Variants in PSMA1 observed in about 807,000 individuals in gnomAD.
PSMA1 encodes the protein proteasome 20S subunit alpha 1, also known as proteasome subunit alpha type-1.
Under a neutral mutation model 38.4 loss-of-function variants are expected in PSMA1, and 3 were observed. That is an observed-to-expected ratio of 0.08 (90% CI 0.04 to 0.20). PSMA1 has a LOEUF of 0.20. Among genes scored for constraint, PSMA1 ranks in the 10% least tolerant of loss-of-function variants. PSMA1 has a pLI of 1.00. For synonymous variants in PSMA1, 101 were observed against 107.1 expected (o/e 0.94, Z 0.35); for missense variants, 227 against 325.3 (o/e 0.70, Z 2.32).
At position 14,549,273 on chromosome 11, in the gene PSMA1, T is replaced by A. The variant is rs191790966; in HGVS notation, c.22-30232A>T. ...TTGCTCAATATTTGTTATTGTTTCA[T>A]CTGCAGTGAAATGGGAACTGTACAC... On this transcript the variant is annotated intron_variant, in intron 2 of 10. Coordinates refer to the PSMA1 transcript ENST00000418988. Among the ~76,000 whole-genome samples the A allele has an allele frequency of 2.6e-5, 4 of 152,226 alleles. No individual in the cohort carries two copies. In the East Asian group the frequency reaches 7.7e-4, roughly 29 times the overall value.
chr11:14,569,626 G>C (rs1354589621), intron 2 of PSMA1, among the ~76,000 whole-genome samples: 1 of 152,218 alleles, frequency 6.6e-6, no homozygotes, highest in Non-Finnish European at 1.5e-5. Context: ...ACAGCAGTCT[G>C]AGATCAAACG....
At chr11:14,568,209 C>G (rs1852096490) in intron 2 of PSMA1, among the ~76,000 whole-genome samples, 1 of 152,092 alleles carries the variant, frequency 6.6e-6, no homozygotes. Flanking sequence ...AGTGAAGTGC[C>G]CAACTCCAAA....
At chr11:14,536,859 C>G (rs1851715475) in intron 2 of PSMA1, among the ~76,000 whole-genome samples, 1 of 152,222 alleles carries the variant, frequency 6.6e-6, no homozygotes, top group Admixed American at 6.5e-5. Context: ...TCGTGATCCG[C>G]CCGCCTCGGC....
At chr11:14,528,497 C>T (rs1281143201) in intron 2 of PSMA1, among the ~76,000 whole-genome samples, 3 of 152,128 alleles carry the variant, frequency 2.0e-5, no homozygotes, top group African/African-American at 7.2e-5. Context: ...CCCACGCTGC[C>T]CCAATCCCGC....
intron 1 of PSMA1, among the ~76,000 whole-genome samples, chr11:14,639,700 T>C (rs532097341): frequency 9.8e-5 from 15 of 152,354 alleles, no homozygotes; most frequent in African/African-American, 3.4e-4. Flanking sequence ...AGCCATAGGA[T>C]ACTTGAGTTA....
chr11:14,608,800 C>T (rs1253194437), intron 2 of PSMA1, among the ~76,000 whole-genome samples: 1 of 150,272 alleles, frequency 6.7e-6, no homozygotes, highest in East Asian at 1.9e-4. Flanking sequence ...GACTTCTTCC[C>T]ATTATCAAAT....
intron 2 of PSMA1, among the ~76,000 whole-genome samples, chr11:14,551,511 G>C (rs2134168843): frequency 6.6e-6 from 1 of 152,306 alleles, no homozygotes; most frequent in African/African-American, 2.4e-5. Flanking sequence ...TCCAAGTGCT[G>C]TCAGGGGGAA....
intron 2 of PSMA1, among the ~76,000 whole-genome samples, chr11:14,543,110 C>T (rs1851790493): frequency 6.6e-6 from 1 of 152,174 alleles, no homozygotes. Context: ...GGATTACAAG[C>T]GTGAGCCACT....
intron 2 of PSMA1, among the ~76,000 whole-genome samples, chr11:14,576,566 G>A (rs1430384424): frequency 2.6e-5 from 4 of 152,070 alleles, no homozygotes; most frequent in Non-Finnish European, 5.9e-5. Flanking sequence ...TTTTTGTCAG[G>A]TTTGTCAAAG....
intron 2 of PSMA1, among the ~76,000 whole-genome samples, chr11:14,560,318 A>G (rs938147266): frequency 6.6e-6 from 1 of 152,172 alleles, no homozygotes; most frequent in African/African-American, 2.4e-5. Flanking sequence ...GCAGAAAGTT[A>G]GTGGGGTAAA....
intron 2 of PSMA1, among the ~76,000 whole-genome samples, chr11:14,577,303 T>C (rs1388097734): frequency 6.6e-6 from 1 of 152,174 alleles, no homozygotes; most frequent in Non-Finnish European, 1.5e-5. Flanking sequence ...GAGAAAACAA[T>C]TAAGTAATCT....
intron 2 of PSMA1, among the ~76,000 whole-genome samples, chr11:14,537,386 C>T (rs1851721058): frequency 6.6e-6 from 1 of 152,134 alleles, no homozygotes; most frequent in African/African-American, 2.4e-5. Context: ...AATTTACATT[C>T]ACCTTTTCCT....
At chr11:14,582,110 G>T (rs1223890100) in intron 2 of PSMA1, among the ~76,000 whole-genome samples, 1 of 152,120 alleles carries the variant, frequency 6.6e-6, no homozygotes, top group Non-Finnish European at 1.5e-5. Context: ...GATAGGGATA[G>T]ATTCAGATTT....
chr11:14,602,751 C>A (rs1369053882), intron 2 of PSMA1, among the ~76,000 whole-genome samples: 1 of 152,108 alleles, frequency 6.6e-6, no homozygotes, highest in African/African-American at 2.4e-5. Context: ...CAGAACCCAG[C>A]CTGCATTGAG....
intron 1 of PSMA1, 64 bp downstream of exon 1, chr11:14,520,233 G>C: frequency 1.2e-6 from 2 of 1,605,916 alleles, no homozygotes; most frequent in Non-Finnish European, 1.7e-6. Flanking sequence ...AGGAGAGGTG[G>C]CTCGTCATCC....
chr11:14,549,367 A>C (rs1207119701), intron 2 of PSMA1, among the ~76,000 whole-genome samples: 1 of 152,094 alleles, frequency 6.6e-6, no homozygotes, highest in Non-Finnish European at 1.5e-5. Context: ...CATTATATGC[A>C]ATCTGATTTT....
intron 1 of PSMA1, among the ~76,000 whole-genome samples, chr11:14,630,778 G>A (rs1852993429): frequency 6.6e-6 from 1 of 152,108 alleles, no homozygotes; most frequent in Non-Finnish European, 1.5e-5. Flanking sequence ...TAATTCGGCT[G>A]TGAATCCATC....
intron 2 of PSMA1, among the ~76,000 whole-genome samples, chr11:14,543,321 GAC>G (rs976904121): frequency 1.3e-5 from 2 of 152,168 alleles, no homozygotes; most frequent in Non-Finnish European, 2.9e-5. Context: ...TACATAGCAA[GAC>G]ACAGTTTCTT....
intron 2 of PSMA1, among the ~76,000 whole-genome samples, chr11:14,568,952 C>T (rs1211036077): frequency 1.3e-5 from 2 of 152,170 alleles, no homozygotes; most frequent in African/African-American, 2.4e-5. Flanking sequence ...AGTAGGGGGG[C>T]CCTAGGCCTG....
Sources: allele counts gnomAD v4.1 joint callset (sites outside exome capture counted in the v4.1 genomes callset), GRCh38; gene constraint gnomAD v4.1.1; transcripts MANE v1.5; gene names NCBI Gene and HGNC (gene_info 2026-07-23, HGNC 2026-07-21).